Variants in OVCH2 observed in about 807,000 individuals in gnomAD.
The protein encoded by OVCH2 is ovochymase-2.
In OVCH2, 88 loss-of-function variants were observed where a neutral mutation model predicts 73.7. That is an observed-to-expected ratio of 1.19 (90% CI 1.01 to 1.43). The LOEUF (loss-of-function observed/expected upper bound fraction) is 1.43, where lower values mean the gene tolerates loss of function less well. Ranked by LOEUF, OVCH2 falls within the 40% of genes most tolerant of loss-of-function variation. The pLI, the probability that OVCH2 is intolerant of heterozygous loss-of-function variation, is 0.00. For missense variants in OVCH2, 706 were observed against 674.5 expected (o/e 1.05, Z -0.52); for synonymous variants, 265 against 234.5 (o/e 1.13, Z -1.19).
intron 4 of OVCH2, 23 bp from the exon 5 acceptor site, chr11:7,701,834 G>C (rs1431495430): frequency 1.3e-6 from 2 of 1,581,824 alleles, no homozygotes; most frequent in East Asian, 2.3e-5. Flanking sequence ...GCAAGGTAGG[G>C]CTTGTCTCAT....
chr11:7,705,582 C>G (rs931278327), intron 1 of OVCH2: 1 of 152,130 alleles, frequency 6.6e-6, no homozygotes. Context: ...GCACTGTTAT[C>G]CCCACATTGC....
intron 2 of OVCH2, 72 bp downstream of exon 2, chr11:7,704,493 C>A (rs1159283760): frequency 1.8e-6 from 2 of 1,112,622 alleles, no homozygotes; most frequent in Non-Finnish European, 2.6e-6. Context: ...AAGATATAAA[C>A]TTAACCTTAA....
chr11:7,682,239 G>A, the OVCH2 span, among the ~76,000 whole-genome samples: 2 of 152,148 alleles, frequency 1.3e-5, no homozygotes, highest in Non-Finnish European at 2.9e-5. Context: ...ACATCACATC[G>A]CTGGACAGTA....
At chr11:7,689,139 A>C (rs1457433113), downstream of OVCH2, among the ~76,000 whole-genome samples, 1 of 152,196 alleles carries the variant, frequency 6.6e-6, no homozygotes, top group Non-Finnish European at 1.5e-5. Flanking sequence ...GCAGTAATTA[A>C]AATTCCTAAT....
At chr11:7,701,533 A>G in intron 5 of OVCH2, 58 bp from the exon 6 acceptor site, 1 of 1,569,556 alleles carries the variant, frequency 6.4e-7, no homozygotes, top group Admixed American at 1.9e-5. Context: ...TCTGAGTTGA[A>G]GATGCATCAT....
Position 7,700,300 on chromosome 11 carries a change from T to C in OVCH2, c.897A>G (p.Gln299=), listed in dbSNP as rs1856410713. 6.2e-7 allele frequency: 1 copy of C among 1,613,638 alleles called. No individual in the cohort carries two copies. The highest frequency in any genetic ancestry group is 8.5e-7 in the Non-Finnish European group (1 of 1,179,706). The change falls in exon 7 of 16, where the codon CAA becomes CAG. Residue 299 remains glutamine (Q), a synonymous_variant. Coordinates refer to ENST00000533663, the MANE Select transcript of OVCH2 (RefSeq NM_198185.7). ...CTTGTGTGATGGCTTAGTTACCAGT[T>C]TGGATGTGTTCGTGGATCCAGGGAA... ...KVLPWIHEHI[Q]TGNRRKSSRA...
intron 7 of OVCH2, 47 bp downstream of exon 7, chr11:7,700,249 C>T (rs1856409457): frequency 6.3e-7 from 1 of 1,581,074 alleles, no homozygotes; most frequent in South Asian, 1.1e-5. Context: ...CTGTCTCTGG[C>T]CCTAGCAGAA....
In OVCH2 at chr11:7,695,697, T is replaced by C. The variant is rs1236191004; in HGVS notation, c.1155A>G (p.Gly385=). ...TAAGAATGGATGAAGGGAGGCTTTC[T>C]CCACAAAATTTTCCTGCAGGATGAG... is the stretch of plus-strand genomic sequence containing the variant. ...LEDRPIGKFC[G]ESLPSSILIG... Residue 385 remains glycine (G), a synonymous_variant, in exon 11 of 16, where the codon GGA becomes GGG. Transcript: ENST00000533663. 2 of 1,610,726 alleles carry C rather than the reference T, an allele frequency of 1.2e-6. No individual in the cohort carries two copies. Among genetic ancestry groups the C allele is most frequent in the African/African-American group, 2.7e-5 (2 of 73,946 alleles).
chr11:7,703,877 T>A, intron 2 of OVCH2, 88 bp from the exon 3 acceptor site: 1 of 981,800 alleles, frequency 1.0e-6, no homozygotes, highest in Non-Finnish European at 1.6e-6. Context: ...AAAACCAGAC[T>A]CAGATATCAC....
intron 4 of OVCH2, 46 bp downstream of exon 4, chr11:7,702,111 T>G (rs375137817): frequency 2.0e-6 from 3 of 1,500,004 alleles, no homozygotes; most frequent in Non-Finnish European, 2.8e-6. Context: ...ACAGAGGTTA[T>G]AGAGAACATG....
At chr11:7,682,324 C>T in the OVCH2 span, among the ~76,000 whole-genome samples, 1 of 152,166 alleles carries the variant, frequency 6.6e-6, no homozygotes, top group Admixed American at 6.5e-5. Flanking sequence ...AACCTGTGGG[C>T]CAGCAAATGC....
chr11:7,685,610 G>A (rs12274668), downstream of OVCH2, among the ~76,000 whole-genome samples: 9,452 of 128,632 alleles, frequency 0.073, 991 homozygotes, highest in African/African-American at 0.27. Flanking sequence ...CTAATTTGAT[G>A]TTTCCACTTG....
At chr11:7,691,085 C>G in intron 14 of OVCH2, 184 bp downstream of exon 14, 1 of 700,690 alleles carries the variant, frequency 1.4e-6, no homozygotes, top group South Asian at 2.1e-5. Flanking sequence ...GGCACCTAAC[C>G]TTGTACATTT....
At position 7,700,397 on chromosome 11, in the gene OVCH2, C is replaced by T. The variant is rs180923137; in HGVS notation, c.800G>A (p.Arg267Gln). Reference sequence around the variant, plus strand: ...TTTCCTCACATTGTTTCTCCAGCCTCGACCACAGCCCAAACCCCAGGAAGT... The same window carrying T: ...TTTCCTCACATTGTTTCTCCAGCCTTGACCACAGCCCAAACCCCAGGAAGT... ...GVTSWGLGCG[R>Q]GWRNNVRKSD... The change falls in exon 7 of 16, where the codon CGA (arginine) becomes CAA (glutamine). Residue 267 changes from arginine to glutamine, a missense_variant. Coordinates refer to ENST00000533663, the MANE Select transcript of OVCH2 (RefSeq NM_198185.7). 76 of 1,613,332 alleles carry T rather than the reference C, an allele frequency of 4.7e-5. No individual in the cohort carries two copies. The highest frequency in any genetic ancestry group is 1.5e-4 in the African/African-American group (11 of 75,040).
chr11:7,696,644 G>T, intron 9 of OVCH2, 55 bp from the exon 10 acceptor site: 2 of 1,613,938 alleles, frequency 1.2e-6, no homozygotes, highest in Middle Eastern at 1.6e-4. Context: ...GACTATCACA[G>T]TCCAATTGGT....
the OVCH2 span, among the ~76,000 whole-genome samples, chr11:7,682,069 A>G: frequency 6.6e-6 from 1 of 152,220 alleles, no homozygotes; most frequent in Admixed American, 6.5e-5. Flanking sequence ...ATTGGGCTAA[A>G]GTCTCCATTC....
At chr11:7,696,058 G>C (rs942161896) in intron 10 of OVCH2, among the ~76,000 whole-genome samples, 3 of 152,180 alleles carry the variant, frequency 2.0e-5, no homozygotes, top group African/African-American at 2.4e-5. Flanking sequence ...TCTGTTTCTT[G>C]TAAGTAACCT....
chr11:7,687,818 G>A (rs1856159058), downstream of OVCH2, among the ~76,000 whole-genome samples: 1 of 152,098 alleles, frequency 6.6e-6, no homozygotes, highest in South Asian at 2.1e-4. Flanking sequence ...CAGGGTATTG[G>A]CAGATCCAGT....
In OVCH2 at chr11:7,701,435, A is replaced by G. The variant is rs759300467; in HGVS notation, c.600T>C (p.Pro200=). 4 of 1,612,516 alleles carry G rather than the reference A, an allele frequency of 2.5e-6. No individual in the cohort carries two copies. Among genetic ancestry groups the G allele is most frequent in the Non-Finnish European group, 3.4e-6 (4 of 1,179,382 alleles). ...CCACACACTCTTCCCAGGTCAAAAT[A>G]GGCAGATTCACTTCCTGCAAGACTT... ...LSQVLQEVNL[P]ILTWEECVAA... Residue 200 remains proline, a synonymous_variant, in exon 6 of 16, where the codon CCT becomes CCC. Coordinates refer to ENST00000533663, the MANE Select transcript of OVCH2 (RefSeq NM_198185.7).
Sources: allele counts gnomAD v4.1 joint callset (sites outside exome capture counted in the v4.1 genomes callset), GRCh38; gene constraint gnomAD v4.1.1; transcripts MANE v1.5; gene names NCBI Gene and HGNC (gene_info 2026-07-23, HGNC 2026-07-21).